The following CNTNAP5 variants were observed in gnomAD, a reference collection of about 807,000 sequenced individuals.
The protein encoded by CNTNAP5 is contactin-associated protein-like 5.
A neutral mutation model predicts 150.2 loss-of-function variants in CNTNAP5; 72 were observed. The observed-to-expected ratio is 0.48, with a 90% CI of 0.40 to 0.58. The LOEUF (loss-of-function observed/expected upper bound fraction) is 0.58. Ranked by LOEUF, CNTNAP5 falls within the 20% of genes least tolerant of loss-of-function variation. The pLI, the probability that CNTNAP5 is intolerant of heterozygous loss-of-function variation, is 0.00. For missense variants in CNTNAP5, 1,636 were observed against 1,626.2 expected, an observed-to-expected ratio of 1.01 and a Z score of -0.10; for synonymous variants, 672 against 619.8, an observed-to-expected ratio of 1.08 and a Z score of -1.25.
At chr2:124,331,584 T>G (rs1005206269) in intron 3 of CNTNAP5, among the ~76,000 whole-genome samples, 4 of 152,162 alleles carry the variant, frequency 2.6e-5, no homozygotes, top group African/African-American at 9.6e-5. Flanking sequence ...TTGGAATTTT[T>G]TTTTTTTAAA....
intron 17 of CNTNAP5, among the ~76,000 whole-genome samples, chr2:124,776,834 C>T (rs1681334546): frequency 1.3e-5 from 2 of 151,890 alleles, no homozygotes; most frequent in Non-Finnish European, 2.9e-5. Context: ...AACGGTGAAA[C>T]AAAAAGTGAA....
At chr2:124,679,293 G>A (rs72845878) in intron 13 of CNTNAP5, among the ~76,000 whole-genome samples, 3,264 of 151,976 alleles carry the variant, frequency 0.021, 58 homozygotes, top group Middle Eastern at 0.037. Context: ...TTTGAGATCC[G>A]GGAGTCTTGT....
At chr2:124,375,325 C>A (rs764905767) in intron 3 of CNTNAP5, among the ~76,000 whole-genome samples, 13 of 152,086 alleles carry the variant, frequency 8.5e-5, no homozygotes, top group Non-Finnish European at 1.9e-4. Flanking sequence ...AGATTAACAT[C>A]ACCAATGAAA....
At position 124,759,374 on chromosome 2, in the gene CNTNAP5, T is replaced by C. The variant is rs566439668; in HGVS notation, c.2235-4298T>C. Among the ~76,000 whole-genome samples, 1,000 of 146,842 alleles carry C rather than the reference T, an allele frequency of 6.8e-3. 7 individuals carry two copies. The highest frequency in any genetic ancestry group is 0.012 in the Non-Finnish European group (771 of 67,018). On this transcript the variant is annotated intron_variant, in intron 14 of 23. Transcript: ENST00000682447. ...TATATATATATTCATTATATATATT[T>C]ATTATATATATATAAATTATATATA...
intron 8 of CNTNAP5, among the ~76,000 whole-genome samples, 155 bp from the exon 9 acceptor site, chr2:124,524,148 T>C (rs569952229): frequency 3.3e-5 from 5 of 152,316 alleles, no homozygotes; most frequent in Admixed American, 3.3e-4. Context: ...AGAACAATGC[T>C]TTTTATGAAT....
rs183393907 is a variant in CNTNAP5 at position 124,465,405 on chromosome 2, T to A, written c.919-9334T>A. Among the ~76,000 whole-genome samples the A allele has an allele frequency of 5.0e-3, 750 of 149,198 alleles. 7 individuals are homozygous for A. Among genetic ancestry groups the A allele is most frequent in the African/African-American group, 0.018 (704 of 39,586 alleles). On this transcript the variant is annotated intron_variant, in intron 6 of 23. Coordinates refer to ENST00000682447, the MANE Select transcript of CNTNAP5 (RefSeq NM_001367498.1). ...GCACACCATTCAATGACCACTAAGA[T>A]CAATGAAAGGCACTCATTCAATATG...
At chr2:124,152,597 T>C (rs1684432341) in intron 1 of CNTNAP5, among the ~76,000 whole-genome samples, 2 of 151,988 alleles carry the variant, frequency 1.3e-5, no homozygotes, top group Non-Finnish European at 1.5e-5. Context: ...TGGAGGAGGT[T>C]TTGTGGAGGG....
chr2:124,749,954 T>C (rs1014366596), intron 14 of CNTNAP5, among the ~76,000 whole-genome samples: 7 of 152,060 alleles, frequency 4.6e-5, no homozygotes, highest in African/African-American at 1.7e-4. Flanking sequence ...ACTGATCTCT[T>C]CCATTCCGCT....
intron 3 of CNTNAP5, among the ~76,000 whole-genome samples, chr2:124,297,354 T>C (rs1248221935): frequency 2.0e-5 from 3 of 152,190 alleles, no homozygotes; most frequent in African/African-American, 7.2e-5. Flanking sequence ...CTCAATTTGA[T>C]TTCAAATAAT....
intron 21 of CNTNAP5, among the ~76,000 whole-genome samples, chr2:124,883,120 G>A (rs1243355106): frequency 6.7e-6 from 1 of 149,998 alleles, no homozygotes. Flanking sequence ...CCAGACTAGA[G>A]TGCAGTGGCA....
At chr2:124,521,262 C>A (rs1454608897) in intron 8 of CNTNAP5, among the ~76,000 whole-genome samples, 9 of 152,208 alleles carry the variant, frequency 5.9e-5, no homozygotes, top group Non-Finnish European at 1.3e-4. Context: ...GCAATACCTG[C>A]ATTGAGAACT....
intron 1 of CNTNAP5, among the ~76,000 whole-genome samples, chr2:124,217,458 C>T (rs1208892761): frequency 1.3e-5 from 2 of 152,140 alleles, no homozygotes; most frequent in African/African-American, 4.8e-5. Context: ...AGGGAGATAA[C>T]ATGTTCTTTC....
intron 19 of CNTNAP5, among the ~76,000 whole-genome samples, chr2:124,810,222 T>C (rs953673886): frequency 6.6e-6 from 1 of 152,180 alleles, no homozygotes; most frequent in Non-Finnish European, 1.5e-5. Context: ...CCTTATATAG[T>C]TCTGGGAGAG....
intron 13 of CNTNAP5, among the ~76,000 whole-genome samples, chr2:124,713,810 G>A (rs1163876664): frequency 1.3e-5 from 2 of 152,186 alleles, no homozygotes; most frequent in East Asian, 3.9e-4. Context: ...ATGCCTCACA[G>A]TTACCTTTAG....
At chr2:124,104,296 T>G (rs1203302377) in intron 1 of CNTNAP5, among the ~76,000 whole-genome samples, 1 of 152,118 alleles carries the variant, frequency 6.6e-6, no homozygotes, top group Non-Finnish European at 1.5e-5. Context: ...CTACATTATT[T>G]TGAGGCAAAT....
chr2:124,790,249 C>T, intron 18 of CNTNAP5, 108 bp downstream of exon 18: 1 of 1,227,132 alleles, frequency 8.1e-7, no homozygotes, highest in South Asian at 1.6e-5. Context: ...CATCTACTCT[C>T]CCGCTGTTTA....
chr2:124,408,764 G>C (rs1394522458), intron 3 of CNTNAP5, among the ~76,000 whole-genome samples: 1 of 151,398 alleles, frequency 6.6e-6, no homozygotes, highest in South Asian at 2.1e-4. Context: ...ACCAAAAGTA[G>C]ATAAAACCAC....
intron 17 of CNTNAP5, among the ~76,000 whole-genome samples, chr2:124,773,780 T>TGC: frequency 6.6e-6 from 1 of 152,196 alleles, no homozygotes; most frequent in East Asian, 1.9e-4. Context: ...TGTGTGTGTG[T>TGC]GTGTTTCACA....
chr2:124,699,426 C>T (rs983230074), intron 13 of CNTNAP5, among the ~76,000 whole-genome samples: 8 of 152,166 alleles, frequency 5.3e-5, no homozygotes, highest in Admixed American at 5.2e-4. Context: ...TACAGTCTAC[C>T]CATTGGAAGC....
Sources: allele counts gnomAD v4.1 joint callset (sites outside exome capture counted in the v4.1 genomes callset), GRCh38; gene constraint gnomAD v4.1.1; transcripts MANE v1.5; gene names NCBI Gene and HGNC (gene_info 2026-07-23, HGNC 2026-07-21).